LRMDA: variants seen among roughly 807,000 people sequenced by gnomAD.
The protein encoded by LRMDA is leucine rich melanocyte differentiation associated.
In LRMDA, 18 loss-of-function variants were observed where a neutral mutation model predicts 29.8. The ratio of observed to expected loss-of-function variants is 0.60; its 90% CI spans 0.42 to 0.90. The LOEUF is 0.90. LRMDA is among the 40% of genes least tolerant of loss of function. LRMDA has a pLI of 0.00. For synonymous variants in LRMDA, 125 were observed against 109.4 expected (o/e 1.14, Z -0.89); for missense variants, 273 against 273.9 (o/e 1.00, Z 0.02).
intron 2 of LRMDA, among the ~76,000 whole-genome samples, chr10:75,952,713 TAGG>T (rs542725827): frequency 1.4e-3 from 211 of 152,300 alleles, no homozygotes; most frequent in African/African-American, 4.7e-3. Flanking sequence ...TCCTTATATG[TAGG>T]ATTTAAAATA....
chr10:75,457,547 A>G (rs1362241506), intron 2 of LRMDA, among the ~76,000 whole-genome samples: 2 of 152,164 alleles, frequency 1.3e-5, no homozygotes, highest in East Asian at 1.9e-4. Flanking sequence ...TCCCAAACTT[A>G]TATTTCACCT....
chr10:76,166,222 T>C (rs1008163980), intron 5 of LRMDA, among the ~76,000 whole-genome samples: 15 of 152,222 alleles, frequency 9.9e-5, no homozygotes, highest in African/African-American at 3.6e-4. Flanking sequence ...GAGTTCTCAG[T>C]CAAAACCATG....
intron 5 of LRMDA, among the ~76,000 whole-genome samples, chr10:76,308,051 TG>T (rs1840580462): frequency 6.6e-6 from 1 of 152,170 alleles, no homozygotes; most frequent in South Asian, 2.1e-4. Context: ...TTCTTAATTG[TG>T]TGTGACTTAA....
intron 6 of LRMDA, among the ~76,000 whole-genome samples, chr10:76,330,903 A>T (rs1840896561): frequency 6.6e-6 from 1 of 152,238 alleles, no homozygotes; most frequent in Non-Finnish European, 1.5e-5. Context: ...AAATAGATGC[A>T]TTTATTTAGG....
intron 2 of LRMDA, among the ~76,000 whole-genome samples, chr10:75,564,638 G>C (rs1840347073): frequency 6.6e-6 from 1 of 152,236 alleles, no homozygotes; most frequent in Non-Finnish European, 1.5e-5. Flanking sequence ...CTCACGCTGG[G>C]AGCTGTAGAC....
intron 2 of LRMDA, among the ~76,000 whole-genome samples, chr10:75,659,837 C>G (rs1841727401): frequency 6.6e-6 from 1 of 152,122 alleles, no homozygotes; most frequent in Non-Finnish European, 1.5e-5. Flanking sequence ...TTCTTTTTCT[C>G]CATCTCCTTT....
In LRMDA at chr10:75,629,754, A is replaced by G. The variant is rs190228207; in HGVS notation, c.131+191260A>G. Among the ~76,000 whole-genome samples the G allele has an allele frequency of 3.3e-5, 5 of 152,248 alleles. No homozygotes were observed. The East Asian group carries it at 9.6e-4, about 29-fold the overall frequency. ...CTAGTTAAAATGATATCAGAGCAGC[A>G]TATTGATTTAATTCCATCTCAGAAA... On this transcript the variant is annotated intron_variant, in intron 2 of 6. Coordinates refer to ENST00000611255, the MANE Select transcript of LRMDA (RefSeq NM_001305581.2).
chr10:76,550,195 T>C (rs1843476878), intron 6 of LRMDA, among the ~76,000 whole-genome samples: 1 of 152,176 alleles, frequency 6.6e-6, no homozygotes, highest in African/African-American at 2.4e-5. Context: ...GATTAAGGAA[T>C]TAAATTGGCT....
At chr10:75,578,805 A>C (rs1840546037) in intron 2 of LRMDA, among the ~76,000 whole-genome samples, 1 of 151,296 alleles carries the variant, frequency 6.6e-6, no homozygotes, top group South Asian at 2.1e-4. Flanking sequence ...CAAATGATGA[A>C]ATGAAGGCAG....
intron 2 of LRMDA, among the ~76,000 whole-genome samples, chr10:75,582,001 G>A (rs2132077637): frequency 6.6e-6 from 1 of 152,354 alleles, no homozygotes; most frequent in Middle Eastern, 3.4e-3. Flanking sequence ...ACACACTGAT[G>A]TGAGGGGTGG....
chr10:75,839,024 G>A (rs1294312130), intron 2 of LRMDA, among the ~76,000 whole-genome samples: 2 of 152,132 alleles, frequency 1.3e-5, no homozygotes, highest in South Asian at 2.1e-4. Context: ...ATTTGGGGGA[G>A]TCAAAGGGAA....
At chr10:76,132,966 CTTTTTTT>C (rs35997711) in intron 5 of LRMDA, among the ~76,000 whole-genome samples, 33 of 57,378 alleles carry the variant, frequency 5.8e-4, no homozygotes, top group African/African-American at 1.7e-3. Context: ...CCACGCCCGG[CTTTTTTT>C]TTTTTTTTTT....
chr10:75,915,263 G>C (rs1281808119), intron 2 of LRMDA, among the ~76,000 whole-genome samples: 1 of 150,138 alleles, frequency 6.7e-6, no homozygotes, highest in Admixed American at 6.7e-5. Context: ...AGCCTCCTGA[G>C]TAGCTGGGAT....
At chr10:76,380,351 T>G (rs1841574610) in intron 6 of LRMDA, among the ~76,000 whole-genome samples, 1 of 152,090 alleles carries the variant, frequency 6.6e-6, no homozygotes, top group Non-Finnish European at 1.5e-5. Flanking sequence ...TTTTAAAAAG[T>G]CTTATGTTTG....
At chr10:76,453,781 C>A (rs375268008) in intron 6 of LRMDA, among the ~76,000 whole-genome samples, 1 of 152,056 alleles carries the variant, frequency 6.6e-6, no homozygotes, top group African/African-American at 2.4e-5. Context: ...AAATTAGAGC[C>A]CAGTTGGCTG....
At chr10:76,470,296 T>C (rs1197550741) in intron 6 of LRMDA, 3 of 152,056 alleles carry the variant, frequency 2.0e-5, no homozygotes, top group African/African-American at 4.8e-5. Context: ...AATAAAAAGA[T>C]AGTATAAATA....
Position 76,140,945 on chromosome 10 carries a change from A to C in LRMDA, c.516+82162A>C, listed in dbSNP as rs920022563. ...ATTTACAAATTATTCTTTGAGTCCA[A>C]CCAACTCTCCTAAAAATCATACTCT... On this transcript the variant is annotated intron_variant, in intron 5 of 6. Transcript: ENST00000611255. Among the ~76,000 whole-genome samples, 3 of 151,996 alleles carry C rather than the reference A, an allele frequency of 2.0e-5. No homozygotes were observed. In the South Asian group the frequency reaches 6.2e-4, roughly 31 times the overall value.
intron 5 of LRMDA, among the ~76,000 whole-genome samples, chr10:76,101,279 CTA>C (rs1328652896): frequency 6.6e-6 from 1 of 152,160 alleles, no homozygotes; most frequent in Non-Finnish European, 1.5e-5. Flanking sequence ...TATTTTCATT[CTA>C]TGCCACATCT....
At chr10:75,533,934 G>GAGGACTCTATAT (rs1202921274) in intron 2 of LRMDA, among the ~76,000 whole-genome samples, 2 of 152,206 alleles carry the variant, frequency 1.3e-5, no homozygotes, top group African/African-American at 2.4e-5. Flanking sequence ...TATATTGCAA[G>GAGGACTCTATAT]TGACTCAAAC....
Sources: gnomAD v4.1 joint callset for allele counts (sites outside exome capture counted in the v4.1 genomes callset) on GRCh38, gnomAD v4.1.1 for gene constraint, MANE v1.5 for transcripts, NCBI Gene and HGNC (gene_info 2026-07-23, HGNC 2026-07-21) for gene names.